The following PDE4DIP variants were observed in gnomAD, a reference collection of about 807,000 sequenced individuals.
PDE4DIP encodes the protein myomegalin.
A neutral mutation model predicts 221.4 loss-of-function variants in PDE4DIP; 59 were observed. That is an observed-to-expected ratio of 0.27 (90% CI 0.22 to 0.33). The LOEUF (loss-of-function observed/expected upper bound fraction) is 0.33. PDE4DIP is among the 10% of genes least tolerant of loss of function. PDE4DIP has a pLI of 1.00. For missense variants in PDE4DIP, 1,036 were observed against 2,154.2 expected (o/e 0.48, Z 10.28); for synonymous variants, 404 against 815.9 (o/e 0.50, Z 8.60).
chr1:148,937,108 A>G (rs1412740723), intron 4 of PDE4DIP, among the ~76,000 whole-genome samples: 4 of 152,240 alleles, frequency 2.6e-5, no homozygotes, highest in African/African-American at 9.6e-5. Flanking sequence ...GCAACACCAC[A>G]AACAAGTGAG....
At position 148,827,993 on chromosome 1, in the gene PDE4DIP, C is replaced by A. The variant is rs587641546; in HGVS notation, c.233+19256C>A. 7.5e-3 allele frequency among the ~76,000 whole-genome samples: 157 copies of A among 20,866 alleles called. 1 individual carries two copies. Among genetic ancestry groups the A allele is most frequent in the African/African-American group, 0.019 (149 of 7,872 alleles). 13.7% of individuals were successfully genotyped at this position (20,866 alleles called of 152,430 possible). A position where few individuals can be genotyped will look rare whatever the true frequency, so the allele number is the denominator to read the frequency against. The stretch of plus-strand genomic sequence containing the variant: ...CCATGGATATATATGGCTATCTTGT[C>A]CTTAGAGGTATTTTTTCTTTTTTTT... On this transcript the variant is annotated intron_variant, in intron 1 of 45. Transcript: ENST00000524974.
At chr1:148,938,027 A>G (rs1451426348) in intron 5 of PDE4DIP, 163 bp downstream of exon 8, 3 of 508,152 alleles carry the variant, frequency 5.9e-6, no homozygotes, top group Non-Finnish European at 1.1e-5. Context: ...TCTGTGAGTC[A>G]AGAGTCCAGA....
At chr1:148,818,066 C>T (rs1216691240) in intron 1 of PDE4DIP, among the ~76,000 whole-genome samples, 1 of 150,082 alleles carries the variant, frequency 6.7e-6, no homozygotes, top group Non-Finnish European at 1.5e-5. Context: ...ATCTGCCCGC[C>T]TCCTCCCAAA....
At chr1:148,907,086 TCTG>T (rs1377889594) in intron 1 of PDE4DIP, among the ~76,000 whole-genome samples, 3 of 149,930 alleles carry the variant, frequency 2.0e-5, no homozygotes, top group African/African-American at 7.5e-5. Context: ...AATAGTTACT[TCTG>T]CTTGCTTTTG....
intron 19 of PDE4DIP, 50 bp from the exon 23 acceptor site, chr1:148,979,687 A>G: frequency 1.9e-6 from 3 of 1,542,074 alleles, no homozygotes; most frequent in Non-Finnish European, 1.8e-6. Flanking sequence ...TTTCTTATTC[A>G]TGTCTCACTG....
At chr1:148,827,427 T>C (rs1354211990) in intron 1 of PDE4DIP, among the ~76,000 whole-genome samples, 1 of 97,086 alleles carries the variant, frequency 1.0e-5, no homozygotes, top group Non-Finnish European at 2.3e-5. Flanking sequence ...GCTAATTTTT[T>C]GTATTTTTAG....
chr1:148,966,236 T>TA (rs2058112154), intron 10 of PDE4DIP, among the ~76,000 whole-genome samples: 1 of 114,474 alleles, frequency 8.7e-6, no homozygotes, highest in Admixed American at 8.2e-5. Flanking sequence ...GTCCTTTAAT[T>TA]AAGACTCACT....
chr1:149,013,854 C>T (rs2069467479), intron 32 of PDE4DIP, among the ~76,000 whole-genome samples: 3 of 136,934 alleles, frequency 2.2e-5, no homozygotes, highest in African/African-American at 8.4e-5. Flanking sequence ...GTGGCACGAT[C>T]TCGGCTCACT....
At chr1:148,820,878 A>G (rs1669005003) in intron 1 of PDE4DIP, among the ~76,000 whole-genome samples, 1 of 138,092 alleles carries the variant, frequency 7.2e-6, no homozygotes, top group Admixed American at 7.3e-5. Flanking sequence ...TTTGAGGCGG[A>G]GTCTCGCTGT....
intron 21 of PDE4DIP, chr1:148,981,721 G>A: frequency 3.5e-6 from 1 of 284,596 alleles, no homozygotes. Flanking sequence ...CTTATCCCTA[G>A]CCCCTTCTCG....
intron 22 of PDE4DIP, chr1:148,992,661 A>G: frequency 9.0e-7 from 1 of 1,111,330 alleles, no homozygotes; most frequent in Non-Finnish European, 1.1e-6. Context: ...ACCAATAGTG[A>G]TCTCACAAGC....
At chr1:148,931,775 A>G (rs1441548557) in intron 2 of PDE4DIP, 25 bp from the exon 6 acceptor site, 1 of 1,546,144 alleles carries the variant, frequency 6.5e-7, no homozygotes, top group African/African-American at 1.4e-5. Context: ...TCTGGCTCTG[A>G]TTGGCTAATG....
At chr1:148,954,097 A>G (rs1288384107) in intron 5 of PDE4DIP, among the ~76,000 whole-genome samples, 12 of 152,194 alleles carry the variant, frequency 7.9e-5, no homozygotes, top group Non-Finnish European at 1.8e-4. Context: ...TGATTTTCAC[A>G]ATCCTTTTTG....
At chr1:148,995,534 G>T (rs1424451428) in intron 22 of PDE4DIP, among the ~76,000 whole-genome samples, 1 of 151,904 alleles carries the variant, frequency 6.6e-6, no homozygotes, top group South Asian at 2.1e-4. Flanking sequence ...GGCCTTTGTG[G>T]GGCAGATGGG....
At chr1:148,918,633 A>G (rs1257904945) in intron 1 of PDE4DIP, among the ~76,000 whole-genome samples, 1 of 98,948 alleles carries the variant, frequency 1.0e-5, no homozygotes, top group East Asian at 4.7e-4. Context: ...ACACACACAC[A>G]CACACACACA....
intron 36 of PDE4DIP, chr1:149,020,771 G>A (rs1378487690): frequency 1.0e-4 from 49 of 490,412 alleles, no homozygotes; most frequent in East Asian, 7.3e-4. Context: ...GTGCTGGTGT[G>A]TCTGTTCTGC....
At chr1:148,850,576 TAACTC>T (rs1179892191) in intron 1 of PDE4DIP, among the ~76,000 whole-genome samples, 2 of 58,936 alleles carry the variant, frequency 3.4e-5, no homozygotes, top group African/African-American at 9.5e-5. Context: ...CCCGAACACA[TAACTC>T]AAGAAAAGAG....
chr1:148,813,989 G>A (rs1245765960), intron 1 of PDE4DIP, among the ~76,000 whole-genome samples: 2 of 21,400 alleles, frequency 9.3e-5, no homozygotes. Context: ...GTCTAACTCT[G>A]TTGCCCAGGC....
intron 37 of PDE4DIP, 77 bp downstream of exon 40, chr1:149,021,230 T>A: frequency 1.4e-6 from 1 of 720,876 alleles, no homozygotes; most frequent in Non-Finnish European, 2.4e-6. Context: ...CCTTTGGGAG[T>A]TGTGGAGATC....
Sources: allele counts gnomAD v4.1 joint callset (sites outside exome capture counted in the v4.1 genomes callset), GRCh38; gene constraint gnomAD v4.1.1; transcripts MANE v1.5; gene names NCBI Gene and HGNC (gene_info 2026-07-23, HGNC 2026-07-21).